Variants in PLBD1 observed in about 807,000 individuals in gnomAD.
PLBD1 encodes the protein phospholipase B domain containing 1, also known as lysosomal leucine aminopeptidase.
In PLBD1, 60 loss-of-function variants were observed where a neutral mutation model predicts 63.0. That is an observed-to-expected ratio of 0.95 (90% confidence interval 0.77 to 1.18). The LOEUF is 1.18. Ranked by LOEUF, PLBD1 falls within the 50% of genes most tolerant of loss-of-function variation. PLBD1 has a pLI of 0.00. For synonymous variants in PLBD1, 262 were observed against 248.0 expected, an observed-to-expected ratio of 1.06 and a Z score of -0.53; for missense variants, 598 against 677.9, an observed-to-expected ratio of 0.88 and a Z score of 1.31.
In PLBD1 at chr12:14,567,671, C is replaced by T. The variant is rs754180846; in HGVS notation, c.26G>A (p.Arg9His). MTRGGPGG[R>H]PGLPQPPPLL... is the part of the protein sequence containing the mutation. ...CGGTGGCGGCTGTGGCAGCCCCGGGCGCCCGCCCGGACCGCCGCGGGTCAT... is the reference window on the plus strand; with the variant it reads ...CGGTGGCGGCTGTGGCAGCCCCGGGTGCCCGCCCGGACCGCCGCGGGTCAT... The change falls in exon 1 of 11, where the codon CGC (arginine) becomes CAC (histidine). Residue 9 changes from arginine to histidine, a missense_variant. Physicochemically the swap from Arg to His is conservative, Grantham distance 29 (BLOSUM62 0). Coordinates refer to ENST00000240617, the MANE Select transcript of PLBD1 (RefSeq NM_024829.6). 10 of 1,479,588 alleles carry T rather than the reference C, an allele frequency of 6.8e-6. No individual in the cohort carries two copies. The South Asian group carries it at 1.2e-4, about 17-fold the overall frequency. The allele number at this position is 1,479,588 out of a possible 1,614,324, so 91.7% of individuals were successfully genotyped here.
rs554187079 is a variant in PLBD1, at chr12:14,561,902, A to G, written c.115+5680T>C. Among the ~76,000 whole-genome samples the G allele has an allele frequency of 1.1e-3, 172 of 152,338 alleles. 3 individuals carry two copies. The South Asian group carries it at 0.035, about 31-fold the overall frequency. On this transcript the variant is annotated intron_variant, in intron 1 of 10. Transcript: ENST00000240617. ...GGCTGGGAAGGTCACACCTGGTGACAGACTTTATCAAGTTATATAAACTTG... is the reference window on the plus strand; with the variant it reads ...GGCTGGGAAGGTCACACCTGGTGACGGACTTTATCAAGTTATATAAACTTG...
chr12:14,521,423 C>T (rs1448072327), intron 6 of PLBD1, among the ~76,000 whole-genome samples: 1 of 151,958 alleles, frequency 6.6e-6, no homozygotes, highest in African/African-American at 2.4e-5. Flanking sequence ...ACCCGTGGCG[C>T]ATGAAACAAA....
At chr12:14,553,460 G>T in intron 1 of PLBD1, 48 bp from the exon 2 acceptor site, 1 of 1,441,116 alleles carries the variant, frequency 6.9e-7, no homozygotes, top group Non-Finnish European at 9.7e-7. Context: ...AATGAGTTGT[G>T]ATGCATTTTT....
At chr12:14,543,535 G>A (rs910154476) in intron 2 of PLBD1, among the ~76,000 whole-genome samples, 3 of 152,186 alleles carry the variant, frequency 2.0e-5, no homozygotes, top group African/African-American at 7.2e-5. Flanking sequence ...TGGCCAACAT[G>A]GTGAAACCCC....
intron 6 of PLBD1, among the ~76,000 whole-genome samples, chr12:14,527,167 C>G (rs1431132369): frequency 6.6e-6 from 1 of 152,098 alleles, no homozygotes; most frequent in Non-Finnish European, 1.5e-5. Context: ...ACATCTAGCC[C>G]CATCTCTAAT....
chr12:14,567,795 CGCCTCTCCG>C lies in PLBD1; in HGVS notation c.-108_-100del. 7.5e-7 allele frequency: 1 copy of C among 1,336,934 alleles called. No individual in the cohort carries two copies. The highest frequency in any genetic ancestry group is 9.6e-7 in the Non-Finnish European group (1 of 1,047,012). 82.8% of individuals were successfully genotyped at this position (1,336,934 alleles called of 1,614,324 possible). A position where few individuals can be genotyped will look rare whatever the true frequency, so the allele number is the denominator to read the frequency against. On this transcript the variant is annotated 5_prime_UTR_variant, in exon 1 of 11. Transcript: ENST00000240617. ...AGGCTCCTGGCCTACTCAGGGGCGC[CGCCTCTCCG>C]AGGTGGGGCGTCCTCAACTTTCCTC...
intron 1 of PLBD1, among the ~76,000 whole-genome samples, chr12:14,565,870 C>T (rs988827262): frequency 6.6e-6 from 1 of 152,184 alleles, no homozygotes; most frequent in Non-Finnish European, 1.5e-5. Flanking sequence ...CTGTCAGGAT[C>T]ACTTCATCTC....
At chr12:14,517,396 C>T (rs982020548) in intron 6 of PLBD1, among the ~76,000 whole-genome samples, 1 of 152,184 alleles carries the variant, frequency 6.6e-6, no homozygotes, top group African/African-American at 2.4e-5. Context: ...GCTCCTCCTG[C>T]CTTGGCCTCT....
chr12:14,567,332 G>T (rs1945798061), intron 1 of PLBD1, among the ~76,000 whole-genome samples: 1 of 152,214 alleles, frequency 6.6e-6, no homozygotes, highest in South Asian at 2.1e-4. Context: ...GGAGCGAACC[G>T]ATTTGTTGGC....
At chr12:14,528,946 A>C (rs551173628) in intron 6 of PLBD1, among the ~76,000 whole-genome samples, 1 of 152,326 alleles carries the variant, frequency 6.6e-6, no homozygotes, top group African/African-American at 2.4e-5. Flanking sequence ...GTTCTGTAGC[A>C]GTGAAAGAAA....
At chr12:14,514,222 A>G (rs1945321749) in intron 6 of PLBD1, among the ~76,000 whole-genome samples, 1 of 152,214 alleles carries the variant, frequency 6.6e-6, no homozygotes, top group Admixed American at 6.5e-5. Context: ...CTCTCTAGAA[A>G]GACATGACCT....
At position 14,536,507 on chromosome 12, in the gene PLBD1, G is replaced by C. The variant is rs766028647; in HGVS notation, c.699+63C>G. The stretch of plus-strand genomic sequence containing the variant: ...GGGGTGATGAGATGTTGCTATACTT[G>C]GGCGCTATATAGAAAAAGTCTGTAT... On this transcript the variant is annotated intron_variant, in intron 5 of 10. Transcript: ENST00000240617. The C allele has an allele frequency of 2.5e-5, 39 of 1,559,758 alleles. No homozygotes were observed. The Admixed American group carries it at 3.7e-4, about 15-fold the overall frequency.
At chr12:14,509,427 GTT>G in intron 8 of PLBD1, among the ~76,000 whole-genome samples, 1 of 152,166 alleles carries the variant, frequency 6.6e-6, no homozygotes, top group Admixed American at 6.5e-5. Context: ...TGGGTTCTCT[GTT>G]TTGAATTGCT....
chr12:14,554,712 A>T (rs1378384905), intron 1 of PLBD1, among the ~76,000 whole-genome samples: 1 of 151,848 alleles, frequency 6.6e-6, no homozygotes, highest in East Asian at 1.9e-4. Flanking sequence ...CTTGAGTCCT[A>T]ATGTCATATG....
intron 1 of PLBD1, among the ~76,000 whole-genome samples, chr12:14,564,859 A>G (rs1945768346): frequency 6.6e-6 from 1 of 152,118 alleles, no homozygotes. Flanking sequence ...ACTGACTCCA[A>G]TCATAGGTCT....
chr12:14,527,477 T>C (rs920097690), intron 6 of PLBD1, among the ~76,000 whole-genome samples: 1 of 152,222 alleles, frequency 6.6e-6, no homozygotes, highest in African/African-American at 2.4e-5. Context: ...TTCAAAATTA[T>C]ATCTATCCAT....
At chr12:14,513,656 C>A (rs901013218) in intron 6 of PLBD1, among the ~76,000 whole-genome samples, 2 of 152,162 alleles carry the variant, frequency 1.3e-5, no homozygotes, top group African/African-American at 4.8e-5. Flanking sequence ...TTCCTTATTT[C>A]CTTCTTCTGA....
chr12:14,567,269 T>C (rs536050194), intron 1 of PLBD1, among the ~76,000 whole-genome samples: 2 of 152,376 alleles, frequency 1.3e-5, no homozygotes, highest in African/African-American at 4.8e-5. Context: ...TAGATGCCCA[T>C]TGGCTGGAGT....
intron 10 of PLBD1, among the ~76,000 whole-genome samples, chr12:14,504,993 C>A (rs1310957162): frequency 1.3e-5 from 2 of 152,020 alleles, no homozygotes; most frequent in East Asian, 3.9e-4. Context: ...TTTGTGTATT[C>A]TGTGATAGAT....
Sources: gnomAD v4.1 joint callset for allele counts (sites outside exome capture counted in the v4.1 genomes callset) on GRCh38, gnomAD v4.1.1 for gene constraint, MANE v1.5 for transcripts, NCBI Gene and HGNC (gene_info 2026-07-23, HGNC 2026-07-21) for gene names.